Variants in CSMD1 observed in about 807,000 individuals in gnomAD.
CSMD1 encodes the protein CUB and sushi domain-containing protein 1.
In CSMD1, 213 loss-of-function variants were observed where a neutral mutation model predicts 417.5. That is an observed-to-expected ratio of 0.51 (90% CI 0.46 to 0.57). The LOEUF is 0.57. CSMD1 is among the 20% of genes least tolerant of loss of function. The probability of loss-of-function intolerance (pLI) is 0.00; values close to 1 mark genes in which losing one functional copy is unlikely to be tolerated. For synonymous variants in CSMD1, 2,862 were observed against 1,736.8 expected (o/e 1.65, Z -16.11); for missense variants, 6,923 against 4,529.7 (o/e 1.53, Z -15.17).
chr8:3,705,388 G>A (rs1585105483), intron 7 of CSMD1, among the ~76,000 whole-genome samples: 1 of 152,174 alleles, frequency 6.6e-6, no homozygotes, highest in Non-Finnish European at 1.5e-5. Flanking sequence ...GCAGAATACA[G>A]GAGCTGCTAG....
chr8:4,112,572 G>A (rs536161028), intron 3 of CSMD1, among the ~76,000 whole-genome samples: 178 of 152,210 alleles, frequency 1.2e-3, no homozygotes, highest in Non-Finnish European at 2.1e-3. Context: ...CCCTCTTCTG[G>A]GGAGGCTGAC....
chr8:3,245,477 T>C (rs1450568036), intron 26 of CSMD1, among the ~76,000 whole-genome samples: 1 of 152,218 alleles, frequency 6.6e-6, no homozygotes, highest in African/African-American at 2.4e-5. Context: ...GAAATGTATG[T>C]GGATGTTTAC....
intron 3 of CSMD1, among the ~76,000 whole-genome samples, chr8:4,206,489 T>A (rs1478173047): frequency 6.6e-6 from 1 of 152,174 alleles, no homozygotes; most frequent in Non-Finnish European, 1.5e-5. Context: ...TCCAGCTTCG[T>A]CCATGTCCCT....
At chr8:4,868,958 A>G (rs890089909) in intron 1 of CSMD1, among the ~76,000 whole-genome samples, 4 of 152,038 alleles carry the variant, frequency 2.6e-5, no homozygotes, top group African/African-American at 9.7e-5. Context: ...ATACCTATAT[A>G]CACACAGAGA....
At position 3,110,182 on chromosome 8, in the gene CSMD1, G is replaced by A. The variant is rs749132851; in HGVS notation, c.6584C>T (p.Ala2195Val). 6.2e-7 allele frequency: 1 copy of A among 1,610,310 alleles called. No homozygotes were observed. The highest frequency in any genetic ancestry group is 8.5e-7 in the Non-Finnish European group (1 of 1,178,450). ...CCAAACAGCAATGTAATCGTTGACA[G>A]CTTCCGTCTGTAACAGGGTGAAGTT... is the stretch of plus-strand genomic sequence containing the variant. ...YINFTLLQTE[A>V]VNDYIAVWDG... The change falls in exon 43 of 70, where the codon GCT (alanine) becomes GTT (valine). Residue 2195 changes from alanine to valine, a missense_variant. Ala to Val is a moderately conservative substitution (Grantham distance 64). Coordinates refer to ENST00000635120, the MANE Select transcript of CSMD1 (RefSeq NM_033225.6).
intron 8 of CSMD1, among the ~76,000 whole-genome samples, chr8:3,614,871 A>C (rs1360700072): frequency 5.3e-5 from 8 of 152,178 alleles, no homozygotes; most frequent in Non-Finnish European, 1.0e-4. Flanking sequence ...GTGATGATGC[A>C]CTGTTGTCAA....
rs117333258 is a variant in CSMD1, at chr8:4,652,577, G to A, written c.86-15019C>T. On this transcript the variant is annotated intron_variant, in intron 1 of 69. Coordinates refer to ENST00000635120, the MANE Select transcript of CSMD1 (RefSeq NM_033225.6). The stretch of plus-strand genomic sequence containing the variant: ...TGAGGCAGGAGAATCGCTTGAACCC[G>A]GGAGGCAGAGGTTGCAGTGGGCCGA... 3.3e-3 allele frequency among the ~76,000 whole-genome samples: 495 copies of A among 152,012 alleles called. 18 individuals are homozygous for A. In the East Asian group the frequency reaches 0.082, roughly 25 times the overall value.
At chr8:4,335,675 T>C (rs1800122597) in intron 3 of CSMD1, among the ~76,000 whole-genome samples, 1 of 152,130 alleles carries the variant, frequency 6.6e-6, no homozygotes, top group African/African-American at 2.4e-5. Flanking sequence ...ATGAAGTATA[T>C]TGTGCAAAAT....
intron 5 of CSMD1, among the ~76,000 whole-genome samples, chr8:3,926,471 G>C (rs976550430): frequency 2.0e-5 from 3 of 151,818 alleles, no homozygotes; most frequent in Non-Finnish European, 4.4e-5. Context: ...GTGAATACAT[G>C]TGTTGCATTT....
chr8:3,556,526 AC>A (rs1563150163), intron 10 of CSMD1, among the ~76,000 whole-genome samples: 3 of 145,162 alleles, frequency 2.1e-5, no homozygotes, highest in African/African-American at 8.1e-5. Flanking sequence ...GCACACACAC[AC>A]ACACACACAC....
chr8:2,940,275 G>A (rs866070975), intron 69 of CSMD1, among the ~76,000 whole-genome samples: 44 of 152,230 alleles, frequency 2.9e-4, no homozygotes, highest in South Asian at 1.2e-3. Context: ...ACCATCCCTC[G>A]CTCCTATGGC....
chr8:4,094,898 AG>A (rs550958284), intron 3 of CSMD1, among the ~76,000 whole-genome samples: 1 of 152,316 alleles, frequency 6.6e-6, no homozygotes, highest in East Asian at 1.9e-4. Context: ...CAGATTGAAG[AG>A]GATACTGGAG....
intron 1 of CSMD1, among the ~76,000 whole-genome samples, chr8:4,980,306 A>G (rs1428774892): frequency 1.3e-5 from 2 of 152,168 alleles, no homozygotes; most frequent in East Asian, 1.9e-4. Context: ...TGTAGCCACA[A>G]GGGCTGTGTG....
At chr8:3,740,994 C>G (rs377598539) in intron 6 of CSMD1, among the ~76,000 whole-genome samples, 8 of 152,082 alleles carry the variant, frequency 5.3e-5, no homozygotes, top group African/African-American at 1.9e-4. Flanking sequence ...GTGGACGGAT[C>G]ACCTCAGGTC....
At chr8:4,276,452 C>T (rs529249878) in intron 3 of CSMD1, among the ~76,000 whole-genome samples, 4 of 152,246 alleles carry the variant, frequency 2.6e-5, no homozygotes, top group African/African-American at 4.8e-5. Flanking sequence ...TGGAGGGGAA[C>T]ATCACACACC....
At chr8:3,250,715 C>T (rs934093361) in intron 26 of CSMD1, among the ~76,000 whole-genome samples, 1 of 152,208 alleles carries the variant, frequency 6.6e-6, no homozygotes, top group Non-Finnish European at 1.5e-5. Flanking sequence ...TCCTCTCCAG[C>T]ACCTGTTGTT....
At chr8:4,950,193 C>T (rs1416787658) in intron 1 of CSMD1, among the ~76,000 whole-genome samples, 1 of 151,938 alleles carries the variant, frequency 6.6e-6, no homozygotes, top group African/African-American at 2.4e-5. Context: ...ATCTTTGTAC[C>T]AATGTCTTCT....
chr8:3,678,202 G>C (rs1362827334), intron 7 of CSMD1, among the ~76,000 whole-genome samples: 3 of 152,182 alleles, frequency 2.0e-5, no homozygotes, highest in Non-Finnish European at 4.4e-5. Flanking sequence ...ACTTTGATGA[G>C]CTGAGAGAAG....
intron 2 of CSMD1, among the ~76,000 whole-genome samples, chr8:4,470,655 TC>T (rs1800476011): frequency 2.0e-5 from 3 of 152,160 alleles, no homozygotes; most frequent in Non-Finnish European, 4.4e-5. Flanking sequence ...CAGTGAGATT[TC>T]TAAACGGCCA....
Sources: gnomAD v4.1 joint callset for allele counts (sites outside exome capture counted in the v4.1 genomes callset) on GRCh38, gnomAD v4.1.1 for gene constraint, MANE v1.5 for transcripts, NCBI Gene and HGNC (gene_info 2026-07-23, HGNC 2026-07-21) for gene names.